The following SOX6 variants were observed in gnomAD, a reference collection of about 807,000 sequenced individuals.
SOX6 encodes the protein SRY-box transcription factor 6, also known as transcription factor SOX-6.
SOX6 carries 11 observed loss-of-function variants against 97.8 expected under a neutral mutation model. That is an observed-to-expected ratio of 0.11 (90% CI 0.07 to 0.19). The LOEUF is 0.19. Among genes scored for constraint, SOX6 ranks in the 10% least tolerant of loss-of-function variants. The pLI is 1.00. For missense variants in SOX6, 810 were observed against 1,039.5 expected, an observed-to-expected ratio of 0.78 and a Z score of 3.04; for synonymous variants, 360 against 371.4, an observed-to-expected ratio of 0.97 and a Z score of 0.35.
At position 16,234,958 on chromosome 11, in the gene SOX6, C is replaced by T. The variant is rs868084141; in HGVS notation, c.446-287G>A. ...CTATTAATATTCAATCAGCATTTGTCATTTCTTAGACTGATAGTACAGAAA... is the reference window on the plus strand; with the variant it reads ...CTATTAATATTCAATCAGCATTTGTTATTTCTTAGACTGATAGTACAGAAA... On this transcript the variant is annotated intron_variant, in intron 3 of 15. Coordinates refer to ENST00000683767, the MANE Select transcript of SOX6 (RefSeq NM_001367873.1). 3.3e-5 allele frequency among the ~76,000 whole-genome samples: 5 copies of T among 152,066 alleles called. No homozygotes were observed. In the South Asian group the frequency reaches 6.2e-4, roughly 19 times the overall value.
intron 6 of SOX6, among the ~76,000 whole-genome samples, chr11:16,181,415 G>C (rs1851342828): frequency 6.7e-6 from 1 of 150,366 alleles, no homozygotes; most frequent in African/African-American, 2.4e-5. Flanking sequence ...TTCTTTTTTT[G>C]ATAGAAAAAA....
At chr11:16,357,913 T>C (rs1857115330), upstream of SOX6, among the ~76,000 whole-genome samples, 1 of 152,202 alleles carries the variant, frequency 6.6e-6, no homozygotes, top group African/African-American at 2.4e-5. Flanking sequence ...GATTCAATGC[T>C]GCAGATTTAT....
At chr11:16,069,373 G>A (rs115526740) in intron 9 of SOX6, among the ~76,000 whole-genome samples, 317 of 152,054 alleles carry the variant, frequency 2.1e-3, no homozygotes, top group African/African-American at 7.1e-3. Context: ...CTCATTTCTC[G>A]TTGTGTTCTG....
intron 7 of SOX6, among the ~76,000 whole-genome samples, chr11:16,109,098 G>A (rs1178851582): frequency 6.6e-6 from 1 of 152,044 alleles, no homozygotes; most frequent in African/African-American, 2.4e-5. Context: ...TGTTGTTTAG[G>A]GAACCAGAAT....
intron 11 of SOX6, 93 bp downstream of exon 11, chr11:16,049,662 C>A (rs1657727880): frequency 2.1e-6 from 3 of 1,418,418 alleles, no homozygotes; most frequent in Admixed American, 3.8e-5. Flanking sequence ...TACTAAGGAG[C>A]ACTTTGGAAA....
chr11:16,394,446 G>A (rs1329596289), intron 1 of SOX6, among the ~76,000 whole-genome samples: 1 of 151,712 alleles, frequency 6.6e-6, no homozygotes, highest in Non-Finnish European at 1.5e-5. Flanking sequence ...ACAAAAAAAA[G>A]TTCCAGCATA....
intron 6 of SOX6, among the ~76,000 whole-genome samples, chr11:16,132,433 GAAAGAAAGAAAAAAGAAAGAAAGAA>G: frequency 1.2e-5 from 1 of 80,648 alleles, no homozygotes; most frequent in East Asian, 6.7e-4. Context: ...AAGAAAGAAA[GAAAGAAAGAAAAAAGAAAGAAAGAA>G]AGAAAGAAAG....
chr11:16,403,803 C>T (rs1353730651), intron 1 of SOX6, among the ~76,000 whole-genome samples: 3 of 151,448 alleles, frequency 2.0e-5, no homozygotes, highest in African/African-American at 7.3e-5. Context: ...AAAAGGCACA[C>T]AGCTTGTTTT....
At chr11:16,500,963 A>G (rs1354799493) in intron 4 of SOX6, among the ~76,000 whole-genome samples, 1 of 152,208 alleles carries the variant, frequency 6.6e-6, no homozygotes, top group African/African-American at 2.4e-5. Flanking sequence ...AAACTACTTT[A>G]AAGTTCATAT....
chr11:16,297,775 A>G (rs928631030), intron 3 of SOX6, among the ~76,000 whole-genome samples: 3 of 152,208 alleles, frequency 2.0e-5, no homozygotes, highest in Admixed American at 1.3e-4. Flanking sequence ...TAGACTCAAC[A>G]TTATTAAAAG....
chr11:16,363,534 C>A (rs1485053768), intron 1 of SOX6, among the ~76,000 whole-genome samples: 2 of 152,122 alleles, frequency 1.3e-5, no homozygotes, highest in Admixed American at 1.3e-4. Context: ...GATGTAGAAA[C>A]AGATTTAGTT....
chr11:16,160,026 A>C (rs1850704729), intron 6 of SOX6, among the ~76,000 whole-genome samples: 2 of 152,184 alleles, frequency 1.3e-5, no homozygotes, highest in Non-Finnish European at 2.9e-5. Flanking sequence ...AAGACCTGAT[A>C]AAATTGCCTT....
intron 4 of SOX6, among the ~76,000 whole-genome samples, chr11:16,539,021 A>G (rs974776600): frequency 2.0e-5 from 3 of 152,226 alleles, no homozygotes; most frequent in African/African-American, 7.2e-5. Context: ...CAGAACATAC[A>G]TTCTTCTCAG....
intron 3 of SOX6, among the ~76,000 whole-genome samples, chr11:16,268,902 A>C (rs1268188740): frequency 6.6e-6 from 1 of 150,766 alleles, no homozygotes; most frequent in African/African-American, 2.4e-5. Context: ...TTTACTTATG[A>C]TCTTTTTAAC....
chr11:16,705,383 G>A (rs765055912), intron 3 of SOX6, among the ~76,000 whole-genome samples: 56 of 152,246 alleles, frequency 3.7e-4, no homozygotes, highest in Non-Finnish European at 6.3e-4. Flanking sequence ...CCAATACTTT[G>A]GAAGGTCGAG....
intron 1 of SOX6, among the ~76,000 whole-genome samples, chr11:16,388,004 A>G (rs891513405): frequency 5.9e-5 from 9 of 152,148 alleles, no homozygotes; most frequent in South Asian, 2.1e-4. Flanking sequence ...GAGCATGGAC[A>G]GTATCTTGTT....
rs1286086798 is a variant in SOX6 at position 16,300,289 on chromosome 11, T to A, written c.445+18157A>T. On this transcript the variant is annotated intron_variant, in intron 3 of 15. Coordinates refer to ENST00000683767, the MANE Select transcript of SOX6 (RefSeq NM_001367873.1). This position sits in a 1 kb window ranked among gnomAD's most constrained non-coding sequence, Gnocchi z 4.1. ...AAAGGACTTATACAAATGGAGAAAG[T>A]CCACAATATTAGACATTTTTACTGT... 6.6e-6 allele frequency among the ~76,000 whole-genome samples: 1 copy of A among 152,164 alleles called. No individual in the cohort carries two copies. The highest frequency in any genetic ancestry group is 1.5e-5 in the Non-Finnish European group (1 of 68,012).
Position 16,344,654 on chromosome 11 carries a change from C to T in SOX6, c.-4-3402G>A, listed in dbSNP as rs916067377. Reference sequence around the variant, plus strand: ...ATTTTCCATTGCAAAAATTTTCATCCCCAACATATTAAAACAGCACCTTAC... The same window carrying T: ...ATTTTCCATTGCAAAAATTTTCATCTCCAACATATTAAAACAGCACCTTAC... On this transcript the variant is annotated intron_variant, in intron 1 of 15. Coordinates refer to ENST00000683767, the MANE Select transcript of SOX6 (RefSeq NM_001367873.1). 2.0e-5 allele frequency among the ~76,000 whole-genome samples: 3 copies of T among 151,784 alleles called. No homozygotes were observed. In the Admixed American group the frequency reaches 2.0e-4, roughly 10 times the overall value.
At chr11:16,710,287 G>C (rs1848168682) in intron 3 of SOX6, among the ~76,000 whole-genome samples, 1 of 152,168 alleles carries the variant, frequency 6.6e-6, no homozygotes, top group Non-Finnish European at 1.5e-5. Flanking sequence ...TTTTCAGGTA[G>C]TATTCAAGTA....
Sources: gnomAD v4.1 joint callset for allele counts (sites outside exome capture counted in the v4.1 genomes callset) on GRCh38, gnomAD v4.1.1 for gene constraint, Gnocchi (gnomAD v3.1) non-coding constraint, MANE v1.5 for transcripts, NCBI Gene and HGNC (gene_info 2026-07-23, HGNC 2026-07-21) for gene names.